The following BAIAP2L1 variants were observed in gnomAD, a reference collection of about 807,000 sequenced individuals.
BAIAP2L1 encodes the protein BAR/IMD domain containing adaptor protein 2 like 1.
In BAIAP2L1, 35 loss-of-function variants were observed where a neutral mutation model predicts 66.3. That is an observed-to-expected ratio of 0.53 (90% CI 0.40 to 0.70). The LOEUF is 0.70. BAIAP2L1 is among the 30% of genes least tolerant of loss of function. The probability of loss-of-function intolerance (pLI) is 0.00; values close to 1 mark genes in which losing one functional copy is unlikely to be tolerated. For missense variants in BAIAP2L1, 622 were observed against 656.9 expected (o/e 0.95, Z 0.58); for synonymous variants, 269 against 248.7 (o/e 1.08, Z -0.77).
chr7:98,319,833 G>A (rs1801193832), intron 5 of BAIAP2L1, among the ~76,000 whole-genome samples: 1 of 152,178 alleles, frequency 6.6e-6, no homozygotes, highest in South Asian at 2.1e-4. Flanking sequence ...TTACAGGCAT[G>A]AGCCACCGCA....
intron 1 of BAIAP2L1, among the ~76,000 whole-genome samples, chr7:98,375,098 AAAAC>A (rs918314254): frequency 2.0e-5 from 3 of 151,726 alleles, no homozygotes; most frequent in Non-Finnish European, 4.4e-5. Flanking sequence ...AAAAAAACAA[AAAAC>A]AAAAACAAAA....
At chr7:98,304,995 AG>A (rs1338304329) in intron 11 of BAIAP2L1, among the ~76,000 whole-genome samples, 5 of 146,862 alleles carry the variant, frequency 3.4e-5, no homozygotes, top group Admixed American at 6.9e-5. Context: ...CCTCCCAAGT[AG>A]CCGGGATTAC....
intron 7 of BAIAP2L1, among the ~76,000 whole-genome samples, chr7:98,312,589 G>T: frequency 6.6e-6 from 1 of 152,158 alleles, no homozygotes. Context: ...TATGAATCCC[G>T]TTTTCCAGGT....
At chr7:98,299,883 A>AT (rs1285649687) in intron 12 of BAIAP2L1, among the ~76,000 whole-genome samples, 1 of 152,070 alleles carries the variant, frequency 6.6e-6, no homozygotes, top group African/African-American at 2.4e-5. Flanking sequence ...TCTACTAAAA[A>AT]TACAAAAATT....
Position 98,292,704 on chromosome 7 carries a change from A to G in BAIAP2L1, c.*817T>C. The G allele has an allele frequency of 6.4e-7, 1 of 1,551,660 alleles. No homozygotes were observed. The highest frequency in any genetic ancestry group is 8.7e-7 in the Non-Finnish European group (1 of 1,146,990). Reference sequence around the variant, plus strand: ...GTCTGTACCTGATTCAAACACGGAGAAACCAGGACCCCGAGCAGTTTGAGT... The same window carrying G: ...GTCTGTACCTGATTCAAACACGGAGGAACCAGGACCCCGAGCAGTTTGAGT... On this transcript the variant is annotated 3_prime_UTR_variant, in exon 14 of 14. Coordinates refer to ENST00000005260, the MANE Select transcript of BAIAP2L1 (RefSeq NM_018842.5).
chr7:98,383,358 A>G (rs1041610267), intron 1 of BAIAP2L1, among the ~76,000 whole-genome samples: 4 of 147,548 alleles, frequency 2.7e-5, no homozygotes, highest in African/African-American at 1.0e-4. Flanking sequence ...ATCTTGGCTC[A>G]CCACAACCTC....
chr7:98,330,412 C>T lies in BAIAP2L1; in HGVS notation c.215-10114G>A, dbSNP rs75776496. On this transcript the variant is annotated intron_variant, in intron 3 of 13. Coordinates refer to ENST00000005260, the MANE Select transcript of BAIAP2L1 (RefSeq NM_018842.5). ...GTGGCTCACACCTGTAATGCCAGCACTTTGGGAGACCGAGGCGGGCGGATC... is the reference window on the plus strand; with the variant it reads ...GTGGCTCACACCTGTAATGCCAGCATTTTGGGAGACCGAGGCGGGCGGATC... Among the ~76,000 whole-genome samples, 921 of 152,230 alleles carry T rather than the reference C, an allele frequency of 6.1e-3. 20 individuals carry two copies. The highest frequency in any genetic ancestry group is 0.038 in the Admixed American group (580 of 15,276).
chr7:98,375,663 C>T (rs941999042), intron 1 of BAIAP2L1, among the ~76,000 whole-genome samples: 6 of 149,306 alleles, frequency 4.0e-5, no homozygotes, highest in East Asian at 2.0e-4. Context: ...GCAGGAGAAT[C>T]GCTTGAATCT....
chr7:98,391,231 T>C (rs1303047081), intron 1 of BAIAP2L1, among the ~76,000 whole-genome samples: 1 of 152,146 alleles, frequency 6.6e-6, no homozygotes, highest in Admixed American at 6.6e-5. Context: ...GGTGAAATAC[T>C]GGTTAGATCT....
intron 11 of BAIAP2L1, among the ~76,000 whole-genome samples, chr7:98,305,912 TGGGA>T (rs1800638870): frequency 6.6e-6 from 1 of 152,094 alleles, no homozygotes; most frequent in Admixed American, 6.6e-5. Context: ...TTTCAAGCCA[TGGGA>T]GTGGATGAGA....
intron 1 of BAIAP2L1, among the ~76,000 whole-genome samples, chr7:98,374,130 G>T (rs1043784396): frequency 8.6e-5 from 13 of 151,748 alleles, no homozygotes; most frequent in Non-Finnish European, 1.8e-4. Flanking sequence ...TGGATTTTTT[G>T]TAGAGATGGG....
At chr7:98,349,149 T>C (rs538713018) in intron 3 of BAIAP2L1, among the ~76,000 whole-genome samples, 2 of 152,268 alleles carry the variant, frequency 1.3e-5, no homozygotes, top group East Asian at 3.9e-4. Context: ...GGAGGTTATC[T>C]CTTAGGCCCA....
intron 3 of BAIAP2L1, among the ~76,000 whole-genome samples, chr7:98,336,393 C>T (rs1441116145): frequency 6.6e-6 from 1 of 152,184 alleles, no homozygotes; most frequent in Non-Finnish European, 1.5e-5. Flanking sequence ...ACAGGCGAAT[C>T]ACTTGAGGTC....
At chr7:98,378,642 TG>T (rs952988382) in intron 1 of BAIAP2L1, among the ~76,000 whole-genome samples, 3 of 151,922 alleles carry the variant, frequency 2.0e-5, no homozygotes, top group Non-Finnish European at 2.9e-5. Flanking sequence ...AGGCTAGGGA[TG>T]TTTTTTTTTT....
rs1281246319 is a variant in BAIAP2L1 at position 98,292,755 on chromosome 7, C to T, written c.*766G>A. The T allele has an allele frequency of 6.4e-7, 1 of 1,550,394 alleles. No homozygotes were observed. ...GTACTGGTAATGGATGCAGCTTTGGCCAACTAGCTGAGTGAGAACACAAGG... is the reference window on the plus strand; with the variant it reads ...GTACTGGTAATGGATGCAGCTTTGGTCAACTAGCTGAGTGAGAACACAAGG... On this transcript the variant is annotated 3_prime_UTR_variant, in exon 14 of 14. Coordinates refer to ENST00000005260, the MANE Select transcript of BAIAP2L1 (RefSeq NM_018842.5).
chr7:98,301,866 T>C (rs576105616), intron 12 of BAIAP2L1, among the ~76,000 whole-genome samples: 1 of 152,196 alleles, frequency 6.6e-6, no homozygotes, highest in East Asian at 1.9e-4. Context: ...GTGGTGGTGG[T>C]GTCCACATGG....
At chr7:98,332,319 G>T (rs536176421) in intron 3 of BAIAP2L1, among the ~76,000 whole-genome samples, 2 of 133,452 alleles carry the variant, frequency 1.5e-5, no homozygotes, top group Non-Finnish European at 3.1e-5. Context: ...GGAGGCAGAG[G>T]TTGCAGTGAC....
intron 5 of BAIAP2L1, 37 bp from the exon 6 acceptor site, chr7:98,317,393 A>C: frequency 6.2e-7 from 1 of 1,608,540 alleles, no homozygotes; most frequent in Non-Finnish European, 8.5e-7. Context: ...TTACTGTGGC[A>C]CCACACGAAT....
At chr7:98,322,094 T>C (rs966771230) in intron 3 of BAIAP2L1, among the ~76,000 whole-genome samples, 1 of 151,820 alleles carries the variant, frequency 6.6e-6, no homozygotes, top group Non-Finnish European at 1.5e-5. Flanking sequence ...AGACCCTGTC[T>C]CCCCGCCCCC....
Sources: gnomAD v4.1 joint callset for allele counts (sites outside exome capture counted in the v4.1 genomes callset) on GRCh38, gnomAD v4.1.1 for gene constraint, MANE v1.5 for transcripts, NCBI Gene and HGNC (gene_info 2026-07-23, HGNC 2026-07-21) for gene names.